MAGI2: variants seen among roughly 807,000 people sequenced by gnomAD.
The protein encoded by MAGI2 is membrane-associated guanylate kinase, WW and PDZ domain-containing protein 2.
In MAGI2, 35 loss-of-function variants were observed where a neutral mutation model predicts 133.3. That is an observed-to-expected ratio of 0.26 (90% confidence interval 0.20 to 0.35). MAGI2 has a LOEUF of 0.35. Among genes scored for constraint, MAGI2 ranks in the 10% least tolerant of loss-of-function variants. The pLI, the probability that MAGI2 is intolerant of heterozygous loss-of-function variation, is 1.00. For missense variants in MAGI2, 1,636 were observed against 1,863.4 expected (o/e 0.88, Z 2.25); for synonymous variants, 729 against 710.6 (o/e 1.03, Z -0.41).
At chr7:78,052,667 G>GA (rs914782153) in intron 21 of MAGI2, among the ~76,000 whole-genome samples, 1 of 152,094 alleles carries the variant, frequency 6.6e-6, no homozygotes, top group African/African-American at 2.4e-5. Context: ...GGCTACTGGG[G>GA]AAAAAAATAC....
chr7:78,274,570 G>A (rs555542068), intron 9 of MAGI2, among the ~76,000 whole-genome samples: 19 of 152,088 alleles, frequency 1.2e-4, no homozygotes, highest in Admixed American at 4.6e-4. Flanking sequence ...TCTGTCCCAG[G>A]GAGATGGGGG....
intron 1 of MAGI2, among the ~76,000 whole-genome samples, chr7:79,166,522 G>C (rs937410299): frequency 6.6e-5 from 10 of 152,078 alleles, no homozygotes; most frequent in African/African-American, 2.2e-4. Context: ...CCAGTGTCTA[G>C]ACTCTCAACC....
chr7:78,427,472 TA>T (rs1253555920), intron 6 of MAGI2, among the ~76,000 whole-genome samples: 1 of 152,114 alleles, frequency 6.6e-6, no homozygotes, highest in Non-Finnish European at 1.5e-5. Context: ...CAAGAAGTGC[TA>T]CTAGAGATAA....
intron 1 of MAGI2, among the ~76,000 whole-genome samples, chr7:79,285,753 G>T (rs899648895): frequency 3.3e-5 from 5 of 152,024 alleles, no homozygotes; most frequent in Non-Finnish European, 7.4e-5. Flanking sequence ...AGAGAAGAAT[G>T]AACAACGATA....
At chr7:78,891,811 A>G (rs971521705) in intron 2 of MAGI2, among the ~76,000 whole-genome samples, 2 of 152,184 alleles carry the variant, frequency 1.3e-5, no homozygotes, top group Non-Finnish European at 2.9e-5. Flanking sequence ...CCCTTTGAAA[A>G]CTTGCACAAG....
chr7:79,410,035 A>G (rs958692087), intron 1 of MAGI2: 4 of 152,102 alleles, frequency 2.6e-5, no homozygotes, highest in African/African-American at 7.2e-5. Context: ...ATAGAAACAC[A>G]TATAGGAATT....
At chr7:79,103,298 G>A (rs949306525) in intron 1 of MAGI2, among the ~76,000 whole-genome samples, 4 of 152,160 alleles carry the variant, frequency 2.6e-5, no homozygotes, top group African/African-American at 9.7e-5. Flanking sequence ...TTTCACCTGA[G>A]TTCCTGTCCT....
rs1238344299 is a variant in MAGI2 at position 78,853,153 on chromosome 7, A to G, written c.418+153937T>C. Among the ~76,000 whole-genome samples the G allele has an allele frequency of 3.3e-5, 5 of 151,984 alleles. No homozygotes were observed. The East Asian group carries it at 9.8e-4, about 30-fold the overall frequency. On this transcript the variant is annotated intron_variant, in intron 2 of 21. Transcript: ENST00000354212. Reference sequence around the variant, plus strand: ...CAGGATATTCGATCAAGAACGGGCCAGGCACAGTGGCTCATGCCTGTAATC... The same window carrying G: ...CAGGATATTCGATCAAGAACGGGCCGGGCACAGTGGCTCATGCCTGTAATC...
chr7:79,312,639 C>A (rs1263209637), intron 1 of MAGI2, among the ~76,000 whole-genome samples: 4 of 152,134 alleles, frequency 2.6e-5, no homozygotes, highest in Non-Finnish European at 4.4e-5. Context: ...CTCTCTCTCT[C>A]AAAATACAAA....
At chr7:79,060,889 C>T (rs1413865443) in intron 1 of MAGI2, among the ~76,000 whole-genome samples, 1 of 152,024 alleles carries the variant, frequency 6.6e-6, no homozygotes, top group African/African-American at 2.4e-5. Context: ...AACAATTATA[C>T]TAAAAGAAAG....
At chr7:78,863,683 T>G (rs1286174100) in intron 2 of MAGI2, among the ~76,000 whole-genome samples, 3 of 152,206 alleles carry the variant, frequency 2.0e-5, no homozygotes, top group African/African-American at 7.2e-5. Flanking sequence ...GCTCTGAACT[T>G]TGCTCACAGA....
chr7:78,462,470 AGAG>A (rs1313947169), intron 6 of MAGI2, among the ~76,000 whole-genome samples: 1 of 152,212 alleles, frequency 6.6e-6, no homozygotes. Flanking sequence ...AATAATGATG[AGAG>A]GAGGAGAGCC....
At chr7:78,153,233 TA>T (rs3840596) in intron 16 of MAGI2, among the ~76,000 whole-genome samples, 1 of 152,182 alleles carries the variant, frequency 6.6e-6, no homozygotes, top group East Asian at 1.9e-4. Context: ...CAAATCCCAA[TA>T]AAACCTAAAA....
chr7:78,112,509 C>T lies in MAGI2; in HGVS notation c.3567+13185G>A, dbSNP rs182534532. 9.2e-5 allele frequency among the ~76,000 whole-genome samples: 14 copies of T among 152,312 alleles called. No homozygotes were observed. The East Asian group carries it at 9.6e-4, about 10-fold the overall frequency. On this transcript the variant is annotated intron_variant, in intron 20 of 21. Transcript: ENST00000354212. The stretch of plus-strand genomic sequence containing the variant: ...GGCACGTTATAAAAAAAGCTGACTG[C>T]GAGTTAGACTGAATTGCCACATATA...
chr7:79,016,597 G>C (rs2116642431), intron 1 of MAGI2, among the ~76,000 whole-genome samples: 1 of 152,194 alleles, frequency 6.6e-6, no homozygotes, highest in Middle Eastern at 3.4e-3. Context: ...ACATTGCTTT[G>C]CTGAGGCAGG....
At chr7:79,234,481 G>C (rs1053472592) in intron 1 of MAGI2, among the ~76,000 whole-genome samples, 3 of 151,794 alleles carry the variant, frequency 2.0e-5, no homozygotes, top group Non-Finnish European at 2.9e-5. Flanking sequence ...TTTCTTGGAG[G>C]CTTTCTCATT....
Position 78,649,222 on chromosome 7 carries a change from T to TAAAAAAAAAAAAAAAAA in MAGI2, c.419-21984_419-21983insTTTTTTTTTTTTTTTTT, listed in dbSNP as rs1361378575. Reference sequence around the variant, plus strand: ...GTTTCTTTTTTGGGATGACTTGTGGTAAAAAAAAAAAAAGAAAAAAAAAGA... The same window carrying TAAAAAAAAAAAAAAAAA: ...GTTTCTTTTTTGGGATGACTTGTGGTAAAAAAAAAAAAAAAAAAAAAAAAAAAAAAGAAAAAAAAAGA... On this transcript the variant is annotated intron_variant, in intron 2 of 21. Transcript: ENST00000354212. 1.7e-3 allele frequency among the ~76,000 whole-genome samples: 75 copies of TAAAAAAAAAAAAAAAAA among 44,988 alleles called. 1 individual carries two copies. Among genetic ancestry groups the TAAAAAAAAAAAAAAAAA allele is most frequent in the East Asian group, 5.6e-3 (11 of 1,954 alleles). 29.5% of individuals were successfully genotyped at this position (44,988 alleles called of 152,430 possible).
chr7:78,906,462 T>C (rs1055504865), intron 2 of MAGI2, among the ~76,000 whole-genome samples: 137 of 152,332 alleles, frequency 9.0e-4, no homozygotes, highest in African/African-American at 3.2e-3. Context: ...GACTTGGTTT[T>C]TATCACCATA....
At chr7:79,010,121 A>G (rs1807901719) in intron 1 of MAGI2, among the ~76,000 whole-genome samples, 2 of 152,210 alleles carry the variant, frequency 1.3e-5, no homozygotes, top group Admixed American at 6.5e-5. Context: ...ATATACACAT[A>G]TATAGATGTG....
Sources: allele counts gnomAD v4.1 joint callset (sites outside exome capture counted in the v4.1 genomes callset), GRCh38; gene constraint gnomAD v4.1.1; transcripts MANE v1.5; gene names NCBI Gene and HGNC (gene_info 2026-07-23, HGNC 2026-07-21).